PTPRG: variants seen among roughly 807,000 people sequenced by gnomAD.
The protein encoded by PTPRG is protein tyrosine phosphatase receptor type G, also known as receptor-type tyrosine-protein phosphatase gamma.
A neutral mutation model predicts 165.3 loss-of-function variants in PTPRG; 102 were observed. The ratio of observed to expected loss-of-function variants is 0.62; its 90% CI spans 0.53 to 0.73. PTPRG has a LOEUF of 0.73. PTPRG is among the 30% of genes least tolerant of loss of function. The pLI, the probability that PTPRG is intolerant of heterozygous loss-of-function variation, is 0.00. For missense variants in PTPRG, 1,866 were observed against 1,861.4 expected, an observed-to-expected ratio of 1.00 and a Z score of -0.05; for synonymous variants, 675 against 669.5, an observed-to-expected ratio of 1.01 and a Z score of -0.13.
At chr3:61,799,745 C>A (rs2035175500) in intron 2 of PTPRG, among the ~76,000 whole-genome samples, 1 of 152,158 alleles carries the variant, frequency 6.6e-6, no homozygotes, top group African/African-American at 2.4e-5. Flanking sequence ...TAAGTTTGCC[C>A]CCCACCATAC....
rs1165697855 is a variant in PTPRG at position 61,887,160 on chromosome 3, A to T, written c.191-102465A>T. On this transcript the variant is annotated intron_variant, in intron 2 of 29. Transcript: ENST00000474889. ...TATATATATATATATATATATATAT[A>T]TATATATATATTTTTAATGCCATCA... is the stretch of plus-strand genomic sequence containing the variant. Among the ~76,000 whole-genome samples, 149 of 126,558 alleles carry T rather than the reference A, an allele frequency of 1.2e-3. 2 individuals carry two copies. Among genetic ancestry groups the T allele is most frequent in the African/African-American group, 4.8e-3 (143 of 30,012 alleles). 83.0% of individuals were successfully genotyped at this position (126,558 alleles called of 152,430 possible).
intron 2 of PTPRG, among the ~76,000 whole-genome samples, chr3:61,888,550 C>A (rs1411420351): frequency 6.6e-6 from 1 of 152,128 alleles, no homozygotes; most frequent in Non-Finnish European, 1.5e-5. Flanking sequence ...CCAGGATGGT[C>A]TCGATCTCCT....
In PTPRG at chr3:61,748,947, G is replaced by T. The variant is rs760765025; in HGVS notation, c.155G>T (p.Arg52Leu). 2.5e-6 allele frequency: 4 copies of T among 1,611,782 alleles called. No individual in the cohort carries two copies. The highest frequency in any genetic ancestry group is 2.5e-6 in the Non-Finnish European group (3 of 1,179,084). ...GGCAGCGCAGTGCAGATCCGCAGGC[G>T]CAAGGCTTCAGGCGACCCGTACTGG... The part of the protein sequence containing the change: ...RHGSAVQIRR[R>L]KASGDPYWAY... The change falls in exon 2 of 30, where the codon CGC becomes CTC. Residue 52 changes from arginine (R) to leucine (L), a missense_variant. By Grantham distance (102) the Arg-to-Leu change is moderately radical. Coordinates refer to ENST00000474889, the MANE Select transcript of PTPRG (RefSeq NM_002841.4).
intron 1 of PTPRG, among the ~76,000 whole-genome samples, chr3:61,690,189 T>C (rs972541730): frequency 1.3e-5 from 2 of 152,210 alleles, no homozygotes; most frequent in Admixed American, 6.5e-5. Flanking sequence ...CAGCTTTCAT[T>C]GCATGCGGCA....
At chr3:62,142,859 C>T (rs1703981160) in intron 6 of PTPRG, among the ~76,000 whole-genome samples, 1 of 152,202 alleles carries the variant, frequency 6.6e-6, no homozygotes, top group Admixed American at 6.5e-5. Context: ...GGCATGCTTG[C>T]TCTGTCTGAT....
chr3:62,052,864 CTTATCTGTATTTATTTACATG>C (rs1374078329), intron 4 of PTPRG, among the ~76,000 whole-genome samples: 2 of 152,088 alleles, frequency 1.3e-5, no homozygotes, highest in Non-Finnish European at 2.9e-5. Flanking sequence ...AGGAAAACAC[CTTATCTGTATTTATTTACATG>C]TTGATAATTG....
intron 2 of PTPRG, among the ~76,000 whole-genome samples, chr3:61,901,238 CTG>C (rs1224667412): frequency 6.6e-6 from 1 of 152,192 alleles, no homozygotes; most frequent in Non-Finnish European, 1.5e-5. Flanking sequence ...CTGTATATAT[CTG>C]TAGTTTTTCA....
At chr3:62,209,766 T>C (rs983986301) in intron 12 of PTPRG, among the ~76,000 whole-genome samples, 1 of 152,190 alleles carries the variant, frequency 6.6e-6, no homozygotes, top group African/African-American at 2.4e-5. Context: ...TCTGGGTCCT[T>C]GGAGTTTCTA....
intron 3 of PTPRG, 147 bp downstream of exon 3, chr3:61,989,951 T>C (rs1438008060): frequency 2.5e-6 from 2 of 795,530 alleles, no homozygotes; most frequent in South Asian, 1.9e-5. Context: ...GAACAAGTTA[T>C]GTAACTCAGT....
intron 4 of PTPRG, among the ~76,000 whole-genome samples, chr3:62,046,028 C>A (rs1478380273): frequency 6.6e-6 from 1 of 152,122 alleles, no homozygotes; most frequent in South Asian, 2.1e-4. Flanking sequence ...CCCTTCTCTT[C>A]CCCCTGTGAG....
intron 6 of PTPRG, among the ~76,000 whole-genome samples, chr3:62,141,508 G>A (rs1041232653): frequency 1.3e-5 from 2 of 152,148 alleles, no homozygotes; most frequent in Non-Finnish European, 2.9e-5. Flanking sequence ...GCTGAGGTGG[G>A]AGGATCGCTT....
chr3:61,839,294 G>A (rs752599129), intron 2 of PTPRG, among the ~76,000 whole-genome samples: 1 of 152,192 alleles, frequency 6.6e-6, no homozygotes, highest in Middle Eastern at 3.2e-3. Flanking sequence ...GTAGATTAGA[G>A]TTTGGCCTCT....
At chr3:62,191,796 C>G in intron 9 of PTPRG, 143 bp downstream of exon 9, 1 of 912,240 alleles carries the variant, frequency 1.1e-6, no homozygotes, top group Non-Finnish European at 1.6e-6. Flanking sequence ...GCCATTGCTG[C>G]GCTGCTCGAG....
intron 2 of PTPRG, among the ~76,000 whole-genome samples, chr3:61,944,102 C>G (rs560836774): frequency 2.0e-5 from 3 of 152,118 alleles, no homozygotes; most frequent in Non-Finnish European, 4.4e-5. Context: ...ATTTTGAGCT[C>G]ATTTTTTGTT....
At chr3:61,585,395 C>T (rs1187642496) in intron 1 of PTPRG, among the ~76,000 whole-genome samples, 3 of 152,028 alleles carry the variant, frequency 2.0e-5, no homozygotes, top group Non-Finnish European at 2.9e-5. Context: ...AACACGCAGT[C>T]TTATGACTTG....
chr3:61,940,764 T>C (rs1035716065), intron 2 of PTPRG, among the ~76,000 whole-genome samples: 5 of 151,926 alleles, frequency 3.3e-5, no homozygotes, highest in Non-Finnish European at 7.4e-5. Context: ...CCTGGGTTCA[T>C]GCCATTCTCC....
At chr3:62,026,606 G>C (rs1278551517) in intron 4 of PTPRG, among the ~76,000 whole-genome samples, 1 of 152,124 alleles carries the variant, frequency 6.6e-6, no homozygotes. Flanking sequence ...TGTATTAGAG[G>C]CCAGGCACGG....
At chr3:62,269,319 G>A (rs1424872303) in intron 20 of PTPRG, 150 bp downstream of exon 20, 15 of 802,710 alleles carry the variant, frequency 1.9e-5, no homozygotes, top group African/African-American at 5.2e-5. Context: ...ATTGACATCA[G>A]TGTATGGTGT....
chr3:61,638,152 T>C (rs1701966121), intron 1 of PTPRG, among the ~76,000 whole-genome samples: 1 of 152,214 alleles, frequency 6.6e-6, no homozygotes, highest in South Asian at 2.1e-4. Context: ...CCAAGTGGCC[T>C]TATAAAAACC....
Sources: gnomAD v4.1 joint callset for allele counts (sites outside exome capture counted in the v4.1 genomes callset) on GRCh38, gnomAD v4.1.1 for gene constraint, MANE v1.5 for transcripts, NCBI Gene and HGNC (gene_info 2026-07-23, HGNC 2026-07-21) for gene names.